The following DMD variants were observed in gnomAD, a reference collection of about 807,000 sequenced individuals.
DMD encodes the protein mutant dystrophin.
DMD carries 63 observed loss-of-function variants against 330.1 expected under a neutral mutation model. That is an observed-to-expected ratio of 0.19 (90% CI 0.16 to 0.24). The LOEUF (loss-of-function observed/expected upper bound fraction) is 0.24. Ranked by LOEUF, DMD falls within the 10% of genes least tolerant of loss-of-function variation. DMD has a pLI of 1.00. For missense variants in DMD, 3,344 were observed against 2,684.1 expected (o/e 1.25, Z -5.43); for synonymous variants, 1,223 against 959.8 (o/e 1.27, Z -5.07).
intron 55 of DMD, among the ~76,000 whole-genome samples, chrX:31,576,076 G>T (rs1316183422): frequency 9.0e-6 from 1 of 111,722 alleles, no homozygotes; most frequent in Non-Finnish European, 1.9e-5. Context: ...ATAGTACAGA[G>T]ACTTCTCACG....
intron 44 of DMD, among the ~76,000 whole-genome samples, chrX:32,178,995 C>T (rs376465064): frequency 1.9e-5 from 2 of 104,012 alleles, no homozygotes; most frequent in East Asian, 6.3e-4. Context: ...TCTCCTCCTG[C>T]TCCTCCTCCT....
intron 7 of DMD, among the ~76,000 whole-genome samples, chrX:32,718,241 G>T (rs140992971): frequency 1.8e-5 from 2 of 111,172 alleles, no homozygotes; most frequent in East Asian, 5.7e-4. Flanking sequence ...TGAATGAGGC[G>T]CCTGGTGGGA....
intron 47 of DMD, among the ~76,000 whole-genome samples, chrX:31,897,130 T>A (rs1397831173): frequency 9.2e-6 from 1 of 108,371 alleles, no homozygotes; most frequent in African/African-American, 3.4e-5. Flanking sequence ...TGTCCATGTG[T>A]TCTCATTGTT....
chrX:32,367,111 G>T (rs2097857251), intron 34 of DMD, among the ~76,000 whole-genome samples: 1 of 111,935 alleles, frequency 8.9e-6, no homozygotes, highest in Non-Finnish European at 1.9e-5. Flanking sequence ...GAGATTATTA[G>T]AAGTCTCTCA....
At chrX:32,299,515 ATT>A (rs5902024) in intron 42 of DMD, among the ~76,000 whole-genome samples, 2 of 100,652 alleles carry the variant, frequency 2.0e-5, no homozygotes, top group African/African-American at 3.6e-5. Flanking sequence ...TTCTGATACA[ATT>A]TTTTTTTTTT....
intron 52 of DMD, among the ~76,000 whole-genome samples, chrX:31,691,905 A>T (rs901227464): frequency 1.3e-4 from 14 of 111,725 alleles, no homozygotes; most frequent in Non-Finnish European, 2.4e-4. Flanking sequence ...GACTTGAATG[A>T]CATTTTAGAC....
At chrX:32,036,246 G>C (rs1372263876) in intron 44 of DMD, among the ~76,000 whole-genome samples, 1 of 111,294 alleles carries the variant, frequency 9.0e-6, no homozygotes. Flanking sequence ...AGAGGAGCAA[G>C]ACTGAAATTC....
At chrX:32,003,863 T>C (rs945892646) in intron 44 of DMD, among the ~76,000 whole-genome samples, 3 of 111,340 alleles carry the variant, frequency 2.7e-5, no homozygotes, top group African/African-American at 9.8e-5. Context: ...GAAATGACCG[T>C]AGTTCTCTTG....
intron 1 of DMD, among the ~76,000 whole-genome samples, chrX:33,293,810 T>A (rs1308870619): frequency 9.0e-6 from 1 of 111,439 alleles, no homozygotes; most frequent in African/African-American, 3.3e-5. Context: ...CACCAAGAGG[T>A]AAAGGGTCAA....
intron 48 of DMD, among the ~76,000 whole-genome samples, chrX:31,863,341 TCAAA>T (rs897957328): frequency 2.7e-5 from 3 of 111,856 alleles, no homozygotes; most frequent in African/African-American, 6.5e-5. Context: ...AGACTCCGTC[TCAAA>T]CAAACAAACA....
intron 20 of DMD, 147 bp downstream of exon 20, chrX:32,491,130 G>A: frequency 5.5e-6 from 4 of 722,903 alleles, no homozygotes; most frequent in South Asian, 2.4e-5. Flanking sequence ...ACAGATTTCT[G>A]TTGCTTACAT....
chrX:32,004,202 A>G (rs2095646146), intron 44 of DMD, among the ~76,000 whole-genome samples: 1 of 111,272 alleles, frequency 9.0e-6, no homozygotes, highest in African/African-American at 3.3e-5. Flanking sequence ...CCTTTCCACT[A>G]TACTACAATT....
intron 38 of DMD, among the ~76,000 whole-genome samples, chrX:32,347,199 G>A (rs761461029): frequency 1.8e-5 from 2 of 111,213 alleles, no homozygotes; most frequent in Non-Finnish European, 3.8e-5. Context: ...TCATAATATA[G>A]ACACATCATA....
rs187340773 is a variant in DMD at position 32,713,499 on chromosome X, G to A, written c.650-14206C>T. 4.1e-3 allele frequency among the ~76,000 whole-genome samples: 456 copies of A among 111,433 alleles called. 1 individual carries two copies. The highest frequency in any genetic ancestry group is 0.013 in the African/African-American group (400 of 30,682). On this transcript the variant is annotated intron_variant, in intron 7 of 78. Transcript: ENST00000357033. Reference sequence around the variant, plus strand: ...ACCAACAACTACATTCCCTCCATTGGTGCAGCTTTCACTGAACTCCGTTCC... The same window carrying A: ...ACCAACAACTACATTCCCTCCATTGATGCAGCTTTCACTGAACTCCGTTCC...
intron 60 of DMD, among the ~76,000 whole-genome samples, chrX:31,392,324 G>C (rs998605805): frequency 1.8e-5 from 2 of 112,704 alleles, no homozygotes; most frequent in Non-Finnish European, 3.7e-5. Context: ...TGAAACTGTT[G>C]AGCTAATAAA....
chrX:32,438,253 T>C lies in DMD; in HGVS notation c.4059A>G (p.Glu1353=), dbSNP rs1287715135. The change falls in exon 29 of 79, where the codon GAA becomes GAG. Residue 1353 remains glutamate, a synonymous_variant. Coordinates refer to ENST00000357033, the MANE Select transcript of DMD (RefSeq NM_004006.3). ...CTTATCTTCATACCTCTTCATGTAGTTCCCTCCAACGAGAATTAAATGTCT... is the reference window on the plus strand; with the variant it reads ...CTTATCTTCATACCTCTTCATGTAGCTCCCTCCAACGAGAATTAAATGTCT... ...ELETFNSRWR[E]LHEEAVRRQK... 8.3e-7 allele frequency: 1 copy of C among 1,211,275 alleles called. No individual in the cohort carries two copies.
chrX:33,057,587 A>G (rs1217889602), intron 1 of DMD, among the ~76,000 whole-genome samples: 1 of 112,198 alleles, frequency 8.9e-6, no homozygotes, highest in Non-Finnish European at 1.9e-5. Context: ...GTAAGCAAGT[A>G]TCAAGGAAAA....
intron 1 of DMD, among the ~76,000 whole-genome samples, chrX:33,033,245 C>G (rs17341198): frequency 0.01 from 1,127 of 110,207 alleles, 35 homozygotes; most frequent in Admixed American, 0.067. Flanking sequence ...CTTCTCTTTT[C>G]TCAGGTTTAT....
In DMD at chrX:32,072,283, T is replaced by C. The variant is rs1384606062; in HGVS notation, c.6439-103769A>G. ...GTCATTTCTTAATGTTTCTACATTA[T>C]TTTTAAAACACTGCTCTTTTGAGAT... On this transcript the variant is annotated intron_variant, in intron 44 of 78. Coordinates refer to ENST00000357033, the MANE Select transcript of DMD (RefSeq NM_004006.3). Among the ~76,000 whole-genome samples the C allele has an allele frequency of 3.6e-5, 4 of 112,114 alleles. No homozygotes were observed. The East Asian group carries it at 1.1e-3, about 31-fold the overall frequency.
Sources: allele counts gnomAD v4.1 joint callset (sites outside exome capture counted in the v4.1 genomes callset), GRCh38; gene constraint gnomAD v4.1.1; transcripts MANE v1.5; gene names NCBI Gene and HGNC (gene_info 2026-07-23, HGNC 2026-07-21).